The following ZNF407 variants were observed in gnomAD, a reference collection of about 807,000 sequenced individuals.
ZNF407 encodes the protein zinc finger protein 407.
A neutral mutation model predicts 131.2 loss-of-function variants in ZNF407; 17 were observed. The ratio of observed to expected loss-of-function variants is 0.13; its 90% CI spans 0.09 to 0.19. The LOEUF (loss-of-function observed/expected upper bound fraction) is 0.19, where lower values mean the gene tolerates loss of function less well. ZNF407 is among the 10% of genes least tolerant of loss of function. The pLI is 1.00. For synonymous variants in ZNF407, 1,156 were observed against 1,062.0 expected, an observed-to-expected ratio of 1.09 and a Z score of -1.72; for missense variants, 2,681 against 2,830.6, an observed-to-expected ratio of 0.95 and a Z score of 1.20.
At chr18:74,739,202 A>G (rs1305415335) in intron 3 of ZNF407, among the ~76,000 whole-genome samples, 1 of 151,272 alleles carries the variant, frequency 6.6e-6, no homozygotes. Flanking sequence ...ATTAGAATTT[A>G]TATATATAGA....
intron 3 of ZNF407, among the ~76,000 whole-genome samples, chr18:74,753,550 G>C (rs1157050519): frequency 6.6e-6 from 1 of 152,176 alleles, no homozygotes; most frequent in Non-Finnish European, 1.5e-5. Context: ...AGTTTATTGA[G>C]AGTTTTTAGC....
intron 1 of ZNF407, among the ~76,000 whole-genome samples, chr18:74,599,807 C>T (rs750427206): frequency 3.3e-5 from 5 of 152,030 alleles, no homozygotes; most frequent in East Asian, 1.9e-4. Flanking sequence ...GGTTTGTATC[C>T]CAGATAGTGA....
chr18:74,848,193 C>T (rs1970728862), intron 4 of ZNF407, among the ~76,000 whole-genome samples: 1 of 152,122 alleles, frequency 6.6e-6, no homozygotes, highest in Non-Finnish European at 1.5e-5. Context: ...TAAACTACAG[C>T]TTAATAATGA....
At chr18:74,939,843 T>C (rs916472399) in intron 8 of ZNF407, among the ~76,000 whole-genome samples, 1 of 152,226 alleles carries the variant, frequency 6.6e-6, no homozygotes, top group Non-Finnish European at 1.5e-5. Flanking sequence ...ATTGTTAGCA[T>C]GGTGTGGCAG....
At chr18:74,616,365 T>G (rs1983288972) in intron 1 of ZNF407, among the ~76,000 whole-genome samples, 2 of 152,162 alleles carry the variant, frequency 1.3e-5, no homozygotes, top group Admixed American at 6.5e-5. Context: ...TTTTGGATTC[T>G]TGGATGTCTT....
intron 3 of ZNF407, among the ~76,000 whole-genome samples, chr18:74,762,621 T>A (rs968846397): frequency 6.6e-6 from 1 of 152,152 alleles, no homozygotes; most frequent in Admixed American, 6.5e-5. Context: ...ACTGCTGATC[T>A]GCTTTCTGCC....
intron 3 of ZNF407, among the ~76,000 whole-genome samples, chr18:74,713,358 C>CTTTTTTT (rs5826345): frequency 1.2e-5 from 1 of 84,452 alleles, no homozygotes; most frequent in African/African-American, 3.9e-5. Context: ...ATTTTAGCAT[C>CTTTTTTT]TTTTTTTTTT....
chr18:75,060,854 T>C (rs965492483), intron 8 of ZNF407, among the ~76,000 whole-genome samples: 9 of 152,250 alleles, frequency 5.9e-5, no homozygotes, highest in Non-Finnish European at 1.5e-5. Context: ...ATTCACACTT[T>C]ACAGAGTTGC....
intron 3 of ZNF407, among the ~76,000 whole-genome samples, chr18:74,731,195 G>T (rs1336019226): frequency 2.0e-5 from 3 of 152,160 alleles, no homozygotes; most frequent in Non-Finnish European, 2.9e-5. Flanking sequence ...CAGATTTTGA[G>T]TCAGTGTAAG....
rs773683979 is a variant in ZNF407, at chr18:75,063,430, G to T, written c.5709G>T (p.Val1903=). 65 of 1,609,070 alleles carry T rather than the reference G, an allele frequency of 4.0e-5. No homozygotes were observed. The highest frequency in any genetic ancestry group is 5.3e-5 in the Non-Finnish European group (63 of 1,178,458). The change falls in exon 9 of 9, where the codon GTG becomes GTT. Residue 1903 remains valine, a synonymous_variant. Coordinates refer to ENST00000299687, the MANE Select transcript of ZNF407 (RefSeq NM_017757.3). The surrounding 1 kb of genome is among the most constrained non-coding windows in gnomAD (Gnocchi z 6.6). The part of the protein sequence containing the change: ...LAMAGQVARV[V]HITEDGQVIA... ...TGGCCGGCCAGGTGGCCCGGGTGGT[G>T]CATATCACGGAGGATGGCCAGGTCA...
Position 75,045,826 on chromosome 18 carries a change from T to A in ZNF407, c.5429-17324T>A, listed in dbSNP as rs903395525. 3.9e-5 allele frequency among the ~76,000 whole-genome samples: 6 copies of A among 152,072 alleles called. 1 individual carries two copies. Among genetic ancestry groups the A allele is most frequent in the African/African-American group, 1.5e-4 (6 of 41,376 alleles). On this transcript the variant is annotated intron_variant, in intron 8 of 8. Coordinates refer to ENST00000299687, the MANE Select transcript of ZNF407 (RefSeq NM_017757.3). ...TTTTGGATTGCAGATCAAGTATGCA[T>A]TGGGGGGAGGTAGATGACTATACTC...
chr18:75,041,439 A>G (rs1973371418), intron 8 of ZNF407, among the ~76,000 whole-genome samples: 1 of 152,002 alleles, frequency 6.6e-6, no homozygotes, highest in Admixed American at 6.5e-5. Context: ...CTTACCTCTC[A>G]CACACACACT....
At chr18:74,754,800 T>C (rs528709881) in intron 3 of ZNF407, among the ~76,000 whole-genome samples, 1 of 152,206 alleles carries the variant, frequency 6.6e-6, no homozygotes, top group African/African-American at 2.4e-5. Flanking sequence ...AAGTGCGATG[T>C]GATGCTGAGA....
intron 8 of ZNF407, among the ~76,000 whole-genome samples, chr18:74,999,779 A>T (rs559551980): frequency 1.1e-4 from 17 of 152,342 alleles, no homozygotes; most frequent in South Asian, 4.1e-4. Context: ...TGATCAATGT[A>T]GCCAAGATGA....
chr18:74,756,427 A>G (rs1343810639), intron 3 of ZNF407, among the ~76,000 whole-genome samples: 1 of 152,200 alleles, frequency 6.6e-6, no homozygotes, highest in African/African-American at 2.4e-5. Context: ...CACATAAAGT[A>G]TATTGTGTTC....
At chr18:74,862,593 T>G (rs1247272209) in intron 4 of ZNF407, among the ~76,000 whole-genome samples, 1 of 152,222 alleles carries the variant, frequency 6.6e-6, no homozygotes, top group African/African-American at 2.4e-5. Context: ...TCGAAGTTAT[T>G]TATTACTTTA....
chr18:74,734,671 T>TTGTGTG lies in ZNF407; in HGVS notation c.4803-46723_4803-46718dup, dbSNP rs200073035. On this transcript the variant is annotated intron_variant, in intron 3 of 8. Coordinates refer to ENST00000299687, the MANE Select transcript of ZNF407 (RefSeq NM_017757.3). ...AAATTATACCATTTTGAGTTTCAAT[T>TTGTGTG]TGTGTGTGTGTGTGTGTGTGTGTGT... 4.8e-3 allele frequency among the ~76,000 whole-genome samples: 661 copies of TTGTGTG among 138,964 alleles called. 2 individuals are homozygous for TTGTGTG. Among genetic ancestry groups the TTGTGTG allele is most frequent in the Middle Eastern group, 0.011 (3 of 272 alleles). The allele number at this position is 138,964 out of a possible 152,430, so 91.2% of individuals were successfully genotyped here.
At chr18:74,856,110 C>T (rs1970855768) in intron 4 of ZNF407, among the ~76,000 whole-genome samples, 1 of 152,184 alleles carries the variant, frequency 6.6e-6, no homozygotes. Context: ...GAAATAAAAG[C>T]AACCCTATTT....
At chr18:74,638,360 A>C (rs1270739453) in intron 2 of ZNF407, among the ~76,000 whole-genome samples, 7 of 149,690 alleles carry the variant, frequency 4.7e-5, no homozygotes, top group Admixed American at 2.0e-4. Context: ...GAATAAATGA[A>C]CGAGCAGATG....
Sources: allele counts gnomAD v4.1 joint callset (sites outside exome capture counted in the v4.1 genomes callset), GRCh38; gene constraint gnomAD v4.1.1; non-coding constraint Gnocchi (gnomAD v3.1); transcripts MANE v1.5; gene names NCBI Gene and HGNC (gene_info 2026-07-23, HGNC 2026-07-21).